ADGRL2: variants seen among roughly 807,000 people sequenced by gnomAD.
ADGRL2 encodes adhesion G protein-coupled receptor L2.
A neutral mutation model predicts 157.4 loss-of-function variants in ADGRL2; 44 were observed. That is an observed-to-expected ratio of 0.28 (90% CI 0.22 to 0.36). ADGRL2 has a LOEUF of 0.36. ADGRL2 is among the 10% of genes least tolerant of loss of function. The pLI, the probability that ADGRL2 is intolerant of heterozygous loss-of-function variation, is 1.00. For missense variants in ADGRL2, 1,510 were observed against 1,768.9 expected, an observed-to-expected ratio of 0.85 and a Z score of 2.63; for synonymous variants, 585 against 624.7, an observed-to-expected ratio of 0.94 and a Z score of 0.95.
At chr1:81,659,907 TG>T (rs1200768477) in intron 3 of ADGRL2, among the ~76,000 whole-genome samples, 2 of 152,192 alleles carry the variant, frequency 1.3e-5, no homozygotes, top group Non-Finnish European at 2.9e-5. Context: ...GATAATGAAA[TG>T]TTGTTTGTGT....
At chr1:81,582,822 A>G (rs2080943410) in intron 3 of ADGRL2, among the ~76,000 whole-genome samples, 1 of 152,166 alleles carries the variant, frequency 6.6e-6, no homozygotes, top group Non-Finnish European at 1.5e-5. Context: ...TCAAAGACAC[A>G]TTGCCTCGTG....
chr1:81,335,148 G>C (rs894875446), intron 1 of ADGRL2, among the ~76,000 whole-genome samples: 2 of 152,038 alleles, frequency 1.3e-5, no homozygotes, highest in Non-Finnish European at 2.9e-5. Flanking sequence ...ATTCTTCCAA[G>C]GCCTTATGAA....
chr1:81,987,347 C>G (rs1663459716), intron 22 of ADGRL2: 1 of 1,500,286 alleles, frequency 6.7e-7, no homozygotes, highest in East Asian at 2.3e-5. Flanking sequence ...TAGAGGTATC[C>G]TATCTATATA....
chr1:81,878,427 A>G (rs1042358178), intron 2 of ADGRL2, among the ~76,000 whole-genome samples: 1 of 152,194 alleles, frequency 6.6e-6, no homozygotes, highest in South Asian at 2.1e-4. Context: ...TTTTAAAATT[A>G]TTCGTTTGAG....
At chr1:81,876,751 A>G (rs2093851428) in intron 2 of ADGRL2, among the ~76,000 whole-genome samples, 1 of 152,186 alleles carries the variant, frequency 6.6e-6, no homozygotes. Flanking sequence ...TAGTGACAGA[A>G]TCCAGATAAC....
At chr1:81,396,970 C>G (rs774449602) in intron 1 of ADGRL2, among the ~76,000 whole-genome samples, 5 of 152,062 alleles carry the variant, frequency 3.3e-5, no homozygotes, top group Admixed American at 6.6e-5. Context: ...ATTTTGATAT[C>G]GTAGTAATGT....
intron 2 of ADGRL2, among the ~76,000 whole-genome samples, chr1:81,524,357 CTCCGTCTCAAAAAA>C (rs2148191260): frequency 6.6e-6 from 1 of 152,176 alleles, no homozygotes; most frequent in Admixed American, 6.5e-5. Flanking sequence ...CAGAGCGAGA[CTCCGTCTCAAAAAA>C]TAAATAAATA....
At chr1:81,442,676 G>T (rs1282756977) in intron 1 of ADGRL2, among the ~76,000 whole-genome samples, 3 of 152,158 alleles carry the variant, frequency 2.0e-5, no homozygotes, top group African/African-American at 7.2e-5. Context: ...TTCAGTATCA[G>T]TCAGATTTGC....
At chr1:81,916,599 A>C (rs978104926) in intron 3 of ADGRL2, among the ~76,000 whole-genome samples, 6 of 152,090 alleles carry the variant, frequency 3.9e-5, no homozygotes, top group African/African-American at 1.4e-4. Flanking sequence ...GTCACTTAAG[A>C]ATTTGGAATT....
At chr1:81,512,816 C>T (rs2079103811) in intron 2 of ADGRL2, among the ~76,000 whole-genome samples, 1 of 152,060 alleles carries the variant, frequency 6.6e-6, no homozygotes, top group Non-Finnish European at 1.5e-5. Flanking sequence ...TTACCCACAG[C>T]CCCCCTGCAG....
intron 1 of ADGRL2, among the ~76,000 whole-genome samples, chr1:81,709,659 TACTC>T (rs1170279151): frequency 1.3e-5 from 2 of 152,190 alleles, no homozygotes; most frequent in Non-Finnish European, 1.5e-5. Flanking sequence ...TTGATTTCCC[TACTC>T]ACTGTTTCCT....
intron 2 of ADGRL2, among the ~76,000 whole-genome samples, chr1:81,794,977 T>C (rs984887254): frequency 6.6e-6 from 1 of 152,226 alleles, no homozygotes; most frequent in Non-Finnish European, 1.5e-5. Context: ...CATAGTTATA[T>C]TGATTAGAGA....
intron 2 of ADGRL2, among the ~76,000 whole-genome samples, chr1:81,868,587 C>G (rs1334453017): frequency 6.6e-6 from 1 of 151,946 alleles, no homozygotes; most frequent in Non-Finnish European, 1.5e-5. Context: ...GTTTCTTTGC[C>G]TAGGATCGTT....
chr1:81,638,148 GA>G (rs998828896), intron 3 of ADGRL2, among the ~76,000 whole-genome samples: 7 of 145,584 alleles, frequency 4.8e-5, no homozygotes, highest in East Asian at 2.0e-4. Flanking sequence ...AGTAGTGAGA[GA>G]AAAAAAAAAC....
intron 1 of ADGRL2, among the ~76,000 whole-genome samples, chr1:81,439,194 C>G (rs997292054): frequency 1.3e-5 from 2 of 152,042 alleles, no homozygotes; most frequent in African/African-American, 4.8e-5. Flanking sequence ...CATGGACAAC[C>G]GCTTTGCAAG....
chr1:81,927,079 G>T (rs1369395585), intron 3 of ADGRL2, among the ~76,000 whole-genome samples: 2 of 151,928 alleles, frequency 1.3e-5, no homozygotes, highest in African/African-American at 4.8e-5. Context: ...TGCATACTTT[G>T]TGTTTATAAA....
At chr1:81,877,188 A>G (rs1379579520) in intron 2 of ADGRL2, among the ~76,000 whole-genome samples, 1 of 152,102 alleles carries the variant, frequency 6.6e-6, no homozygotes, top group Non-Finnish European at 1.5e-5. Flanking sequence ...TTTCCCAATT[A>G]AGAGTATTTG....
At chr1:81,596,100 A>ACC in intron 3 of ADGRL2, 1 of 270,250 alleles carries the variant, frequency 3.7e-6, no homozygotes, top group Admixed American at 5.3e-5. Context: ...GGGAACTAGG[A>ACC]TCTTTTTTTT....
Position 81,943,224 on chromosome 1 carries a change from C to T in ADGRL2, c.665C>T (p.Ala222Val). Reference sequence around the variant, plus strand: ...ACTGGATTTGTGGTGTATGATGGTGCTGTCTTCTTTAACAAAGAAAGAACG... The same window carrying T: ...ACTGGATTTGTGGTGTATGATGGTGTTGTCTTCTTTAACAAAGAAAGAACG... Reference protein sequence around the residue: ...DGTGFVVYDGAVFFNKERTRN... With the variant: ...DGTGFVVYDGVVFFNKERTRN... Residue 222 changes from alanine (A) to valine (V), a missense_variant, in exon 6 of 24, where the codon GCT becomes GTT. By Grantham distance (64) the Ala-to-Val change is moderately conservative. Coordinates refer to ENST00000686636, the MANE Select transcript of ADGRL2 (RefSeq NM_001366006.2). The surrounding 1 kb of genome is among the most constrained non-coding windows in gnomAD (Gnocchi z 5.6). 1 of 1,613,562 alleles carries T rather than the reference C, an allele frequency of 6.2e-7. No individual in the cohort carries two copies. Among genetic ancestry groups the T allele is most frequent in the Non-Finnish European group, 8.5e-7 (1 of 1,179,634 alleles).
Sources: gnomAD v4.1 joint callset for allele counts (sites outside exome capture counted in the v4.1 genomes callset) on GRCh38, gnomAD v4.1.1 for gene constraint, Gnocchi (gnomAD v3.1) non-coding constraint, MANE v1.5 for transcripts, NCBI Gene and HGNC (gene_info 2026-07-23, HGNC 2026-07-21) for gene names.